Variants in SRCAP observed in about 807,000 individuals in gnomAD.
SRCAP encodes chromatin remodeling protein SRCAP.
In SRCAP, 46 loss-of-function variants were observed where a neutral mutation model predicts 263.1. The ratio of observed to expected loss-of-function variants is 0.17; its 90% CI spans 0.14 to 0.22. The LOEUF (loss-of-function observed/expected upper bound fraction) is 0.22. Ranked by LOEUF, SRCAP falls within the 10% of genes least tolerant of loss-of-function variation. The pLI is 1.00. For missense variants in SRCAP, 3,695 were observed against 4,181.9 expected (o/e 0.88, Z 3.21); for synonymous variants, 1,813 against 1,662.1 (o/e 1.09, Z -2.21).
In SRCAP at chr16:30,738,669, G is replaced by T. The variant is rs2053186965; in HGVS notation, c.8629G>T (p.Val2877Leu). The T allele has an allele frequency of 1.2e-6, 2 of 1,613,468 alleles. No individual in the cohort carries two copies. The highest frequency in any genetic ancestry group is 1.7e-6 in the Non-Finnish European group (2 of 1,179,796). The change falls in exon 34 of 34, where the codon GTG becomes TTG. Residue 2877 changes from valine (V) to leucine (L), a missense_variant. Val to Leu is a conservative substitution (Grantham distance 32). Around this residue, in one of 12 missense-constraint regions of SRCAP, gnomAD observed 1,207 missense variants for 1,142.9 expected, o/e 1.06. Transcript: ENST00000262518. ...GTCTCCAGCAGATGCTGGGAGAGGT[G>T]TGGATGAGGCACCCTCATCCACCTT... Reference protein sequence around the residue: ...NRSPADAGRGVDEAPSSTLKG... With the variant: ...NRSPADAGRGLDEAPSSTLKG...
rs2053039283 is a variant in SRCAP, at chr16:30,724,138, C to T, written c.4714C>T (p.Leu1572Phe). Residue 1572 changes from leucine to phenylalanine, a missense_variant, in exon 25 of 34, where the codon CTT becomes TTT. Leu to Phe is a conservative substitution (Grantham distance 22, BLOSUM62 0). Transcript: ENST00000262518. ...AAATCCAGCTCCAGCTCAGGCTTCC[C>T]TTCTGGCTCCAGCATCTTCTGCATC... is the stretch of plus-strand genomic sequence containing the variant. ...APNPAPAQAS[L>F]LAPASSASQA... 1 of 1,614,080 alleles carries T rather than the reference C, an allele frequency of 6.2e-7. No individual in the cohort carries two copies.
Position 30,733,853 on chromosome 16 carries a change from A to G in SRCAP, c.6495-41A>G, listed in dbSNP as rs761929557. 6.2e-7 allele frequency: 1 copy of G among 1,612,556 alleles called. No individual in the cohort carries two copies. Among genetic ancestry groups the G allele is most frequent in the East Asian group, 2.2e-5 (1 of 44,872 alleles). ...TCCGTTTACTGATGGGGTTTCCTGG[A>G]TATATTTGGCTGCTTACACACGGCC... On this transcript the variant is annotated intron_variant, in intron 29 of 33. Transcript: ENST00000262518. The surrounding 1 kb of genome is among the most constrained non-coding windows in gnomAD (Gnocchi z 5.3).
intron 13 of SRCAP, 112 bp from the exon 14 acceptor site, chr16:30,712,567 T>A: frequency 6.5e-7 from 1 of 1,545,680 alleles, no homozygotes; most frequent in Non-Finnish European, 8.8e-7. Context: ...GAGAGGACAG[T>A]GTAGGTGCTA....
At chr16:30,726,130 G>A (rs2053062366) in intron 25 of SRCAP, 2 of 152,102 alleles carry the variant, frequency 1.3e-5, no homozygotes, top group Non-Finnish European at 2.9e-5. Flanking sequence ...AATGTATAAT[G>A]TGTGGTCCAT....
At position 30,729,484 on chromosome 16, in the gene SRCAP, G is replaced by A; in HGVS notation, c.6039G>A (p.Glu2013=). The change falls in exon 27 of 34, where the codon GAG becomes GAA. Residue 2013 remains glutamate, a synonymous_variant. Transcript: ENST00000262518. ...CCTTCCAGGAGCAATTGGCCTCTGA[G>A]CTCTGGCCCCGGGCTCGTCCTTTGC... is the stretch of plus-strand genomic sequence containing the variant. ...QAAFQEQLAS[E]LWPRARPLHR... 1 of 1,614,178 alleles carries A rather than the reference G, an allele frequency of 6.2e-7. No individual in the cohort carries two copies. The highest frequency in any genetic ancestry group is 8.5e-7 in the Non-Finnish European group (1 of 1,180,028).
chr16:30,724,366 G>T lies in SRCAP; in HGVS notation c.4942G>T (p.Val1648Leu), dbSNP rs1223584929. ...PGTSLASASP[V>L]PAPTPVLAPS... ...AACCTCTTTAGCCTCAGCTTCACCG[G>T]TACCAGCTCCAACCCCTGTGTTGGC... Residue 1648 changes from valine to leucine, a missense_variant, in exon 25 of 34, where the codon GTA becomes TTA. Val to Leu is a conservative substitution (Grantham distance 32). This residue lies in a region of SRCAP where 1,347 missense variants were observed against 1,304.4 expected (regional missense o/e 1.03). Coordinates refer to ENST00000262518, the MANE Select transcript of SRCAP (RefSeq NM_006662.3). 2 of 1,613,970 alleles carry T rather than the reference G, an allele frequency of 1.2e-6. No homozygotes were observed. The highest frequency in any genetic ancestry group is 3.3e-5 in the Admixed American group (2 of 59,990).
chr16:30,722,079 G>T, intron 21 of SRCAP, 43 bp from the exon 22 acceptor site: 1 of 1,586,670 alleles, frequency 6.3e-7, no homozygotes, highest in Non-Finnish European at 8.6e-7. Flanking sequence ...GTGGTGTTGA[G>T]CAGGATGAGC....
At chr16:30,699,579 A>C (rs1033282904) in intron 1 of SRCAP, among the ~76,000 whole-genome samples, 1 of 151,114 alleles carries the variant, frequency 6.6e-6, no homozygotes, top group Non-Finnish European at 1.5e-5. Flanking sequence ...TTCAGCCCTC[A>C]CTGGAAAGGC....
rs199654817 is a variant in SRCAP, at chr16:30,724,536, G to T, written c.5112G>T (p.Thr1704=). The change falls in exon 25 of 34, where the codon ACG becomes ACT. Residue 1704 remains threonine (T), a synonymous_variant. Transcript: ENST00000262518. ...CATCTCAGACACTCTCTTTGGGAACGGGGAACCCCCAGGGACCCTTTCCAA... is the reference window on the plus strand; with the variant it reads ...CATCTCAGACACTCTCTTTGGGAACTGGGAACCCCCAGGGACCCTTTCCAA... The part of the protein sequence containing the change: ...SSPSQTLSLG[T]GNPQGPFPTQ... 4 of 1,613,982 alleles carry T rather than the reference G, an allele frequency of 2.5e-6. No homozygotes were observed. Among genetic ancestry groups the T allele is most frequent in the Non-Finnish European group, 3.4e-6 (4 of 1,180,032 alleles).
chr16:30,725,312 C>A (rs919157593), intron 25 of SRCAP: 1 of 792,894 alleles, frequency 1.3e-6, no homozygotes, highest in Non-Finnish European at 1.8e-6. Context: ...TGAGCCACCA[C>A]GCCCGGCCTC....
chr16:30,735,393 G>A (rs1291716269), intron 31 of SRCAP, among the ~76,000 whole-genome samples: 2 of 151,518 alleles, frequency 1.3e-5, no homozygotes, highest in African/African-American at 4.9e-5. Flanking sequence ...TGATCCGCCC[G>A]CCTCGGCCTC....
Position 30,721,435 on chromosome 16 carries a change from A to T in SRCAP, c.3500A>T (p.Gln1167Leu). 1.2e-6 allele frequency: 2 copies of T among 1,612,770 alleles called. No individual in the cohort carries two copies. Among genetic ancestry groups the T allele is most frequent in the Non-Finnish European group, 1.7e-6 (2 of 1,180,022 alleles). The change falls in exon 21 of 34, where the codon CAG (glutamine) becomes CTG (leucine). Residue 1167 changes from glutamine to leucine, a missense_variant. By Grantham distance (113) the Gln-to-Leu change is moderately radical. Around this residue, in one of 12 missense-constraint regions of SRCAP, gnomAD observed 1,347 missense variants for 1,304.4 expected, o/e 1.03. Coordinates refer to ENST00000262518, the MANE Select transcript of SRCAP (RefSeq NM_006662.3). Reference protein sequence around the residue: ...TAVPAPTPAPQRLILSPDMQA... With the variant: ...TAVPAPTPAPLRLILSPDMQA... ...GTGCCAGCTCCGACTCCTGCACCAC[A>T]GCGCCTCATTCTATCTCCCGATATG...
intron 18 of SRCAP, 29 bp from the exon 19 acceptor site, chr16:30,720,133 T>C: frequency 1.3e-6 from 2 of 1,595,772 alleles, no homozygotes; most frequent in Non-Finnish European, 1.7e-6. Context: ...TTGTTCTTCT[T>C]TATGACTGTG....
In SRCAP at chr16:30,722,555, T is replaced by C. The variant is rs2053021213; in HGVS notation, c.3707-8T>C. The C allele has an allele frequency of 6.2e-7, 1 of 1,613,518 alleles. No homozygotes were observed. Among genetic ancestry groups the C allele is most frequent in the African/African-American group, 1.3e-5 (1 of 74,898 alleles). On this transcript the variant is annotated splice_region_variant and splice_polypyrimidine_tract_variant and intron_variant, in intron 22 of 33. Coordinates refer to ENST00000262518, the MANE Select transcript of SRCAP (RefSeq NM_006662.3). ...TTCTCTCTCTCTTTCTCTCTTCCCT[T>C]AACCCAGGGAATGTGGTGCACCTCG...
intron 3 of SRCAP, among the ~76,000 whole-genome samples, chr16:30,702,617 CTCCTTCCT>C (rs1248765331): frequency 7.4e-6 from 1 of 134,380 alleles, no homozygotes; most frequent in African/African-American, 2.8e-5. Flanking sequence ...CCCTCCCTCC[CTCCTTCCT>C]TCCTTCCTTC....
intron 18 of SRCAP, 116 bp from the exon 19 acceptor site, chr16:30,720,046 T>C (rs981714197): frequency 4.4e-6 from 5 of 1,143,644 alleles, no homozygotes; most frequent in Non-Finnish European, 6.3e-6. Flanking sequence ...ACATGTGGTA[T>C]TTGGTTTTCT....
rs760587957 is a variant in SRCAP, at chr16:30,707,598, C to T, written c.519C>T (p.His173=). ...RKVVRMVIRH[H]EEQRQKEERA... is the part of the protein sequence containing the mutation. ...TGGTGCGCATGGTGATCCGGCACCACGAGGAGCAGCGGCAGAAAGAGGAAC... is the reference window on the plus strand; with the variant it reads ...TGGTGCGCATGGTGATCCGGCACCATGAGGAGCAGCGGCAGAAAGAGGAAC... Residue 173 remains histidine, a synonymous_variant, in exon 6 of 34, where the codon CAC becomes CAT. Transcript: ENST00000262518. 86 of 1,613,452 alleles carry T rather than the reference C, an allele frequency of 5.3e-5. No individual in the cohort carries two copies. The highest frequency in any genetic ancestry group is 2.9e-4 in the East Asian group (13 of 44,890).
chr16:30,718,325 C>T lies in SRCAP; in HGVS notation c.2818-1837C>T, dbSNP rs148010609. Among the ~76,000 whole-genome samples, 681 of 152,092 alleles carry T rather than the reference C, an allele frequency of 4.5e-3. 45 individuals are homozygous for T. The East Asian group carries it at 0.12, about 26-fold the overall frequency. ...CCGAGTAGCTGGGATTACGGGCATG[C>T]GCCACCACGCCCAGCTAATTTTTGT... On this transcript the variant is annotated intron_variant, in intron 18 of 33. Transcript: ENST00000262518.
At position 30,733,820 on chromosome 16, in the gene SRCAP, C is replaced by A. The variant is rs1238819328; in HGVS notation, c.6494+22C>A. Reference sequence around the variant, plus strand: ...ATAGGTATTGCCTAGTCTTCCCTCACCTTACTTTCCGTTTACTGATGGGGT... The same window carrying A: ...ATAGGTATTGCCTAGTCTTCCCTCAACTTACTTTCCGTTTACTGATGGGGT... On this transcript the variant is annotated intron_variant, in intron 29 of 33. Transcript: ENST00000262518. The surrounding 1 kb of genome is among the most constrained non-coding windows in gnomAD (Gnocchi z 5.3). The A allele has an allele frequency of 6.2e-7, 1 of 1,611,446 alleles. No homozygotes were observed. Among genetic ancestry groups the A allele is most frequent in the African/African-American group, 1.3e-5 (1 of 74,874 alleles).
Sources: gnomAD v4.1 joint callset for allele counts (sites outside exome capture counted in the v4.1 genomes callset) on GRCh38, gnomAD v4.1.1 for gene constraint, gnomAD v4.1.1 regional missense constraint, Gnocchi (gnomAD v3.1) non-coding constraint, MANE v1.5 for transcripts, NCBI Gene and HGNC (gene_info 2026-07-23, HGNC 2026-07-21) for gene names.